PSMB3: variants seen among roughly 807,000 people sequenced by gnomAD.
The protein encoded by PSMB3 is proteasome subunit beta type-3.
Under a neutral mutation model 23.3 loss-of-function variants are expected in PSMB3, and 5 were observed. The ratio of observed to expected loss-of-function variants is 0.21; its 90% CI spans 0.11 to 0.45. The LOEUF is 0.45. Ranked by LOEUF, PSMB3 falls within the 20% of genes least tolerant of loss-of-function variation. The pLI is 0.99. For synonymous variants in PSMB3, 85 were observed against 99.8 expected (o/e 0.85, Z 0.88); for missense variants, 192 against 277.9 (o/e 0.69, Z 2.20).
At chr17:38,762,102 A>C in intron 4 of PSMB3, 1 of 328,246 alleles carries the variant, frequency 3.0e-6, no homozygotes, top group East Asian at 5.8e-5. Context: ...CTAAATAGGG[A>C]TTCTTCTCCC....
intron 3 of PSMB3, among the ~76,000 whole-genome samples, chr17:38,756,196 C>A (rs1908188584): frequency 6.6e-6 from 1 of 152,200 alleles, no homozygotes. Flanking sequence ...AAGGAATGCA[C>A]ATAGCAGATA....
rs1907984849 is a variant in PSMB3, at chr17:38,752,745, G to A, written c.-82G>A. 3.2e-6 allele frequency: 5 copies of A among 1,550,202 alleles called. No individual in the cohort carries two copies. Among genetic ancestry groups the A allele is most frequent in the Non-Finnish European group, 3.6e-6 (4 of 1,121,730 alleles). ...CCTATCAGCCAATGAAGAGACAGCA[G>A]TGAGAGCGGTTGCGCAGTGAAGGCT... On this transcript the variant is annotated 5_prime_UTR_variant, in exon 1 of 6. It adds an upstream start codon to the 5' untranslated region. Transcript: ENST00000619426. The surrounding 1 kb of genome is among the most constrained non-coding windows in gnomAD (Gnocchi z 5.5).
intron 3 of PSMB3, among the ~76,000 whole-genome samples, chr17:38,757,801 G>A (rs941350955): frequency 5.5e-4 from 84 of 152,202 alleles, no homozygotes; most frequent in African/African-American, 2.0e-3. Flanking sequence ...GATTATAGGC[G>A]CCTGCCACTG....
chr17:38,756,074 C>T, intron 3 of PSMB3, 84 bp downstream of exon 3: 1 of 1,112,620 alleles, frequency 9.0e-7, no homozygotes, highest in Non-Finnish European at 1.3e-6. Context: ...GAGGACTCTC[C>T]TTGTTTTTCC....
intron 3 of PSMB3, among the ~76,000 whole-genome samples, chr17:38,757,623 T>C (rs1164443253): frequency 4.6e-5 from 7 of 151,416 alleles, no homozygotes; most frequent in Admixed American, 6.6e-5. Flanking sequence ...AAGACCATCC[T>C]GGTCAACATG....
rs2306882 is a variant in PSMB3, at chr17:38,756,085, A to G, written c.296+95A>G. On this transcript the variant is annotated intron_variant, in intron 3 of 5. Transcript: ENST00000619426. The stretch of plus-strand genomic sequence containing the variant: ...GGAAGAGGACTCTCCTTGTTTTTCC[A>G]TCTCTTATTTGCAGGATAATATCCT... The G allele has an allele frequency of 7.1e-4, 729 of 1,028,898 alleles. 8 individuals are homozygous for G. In the East Asian group the frequency reaches 0.015, roughly 21 times the overall value. The allele number at this position is 1,028,898 out of a possible 1,614,324, so 63.7% of individuals were successfully genotyped here.
intron 2 of PSMB3, chr17:38,755,211 T>C (rs554381541): frequency 6.6e-6 from 1 of 152,090 alleles, no homozygotes; most frequent in Non-Finnish European, 1.5e-5. Context: ...GCTCAAGCAA[T>C]CCTTCCGCCT....
chr17:38,759,679 G>A (rs1045881787), intron 3 of PSMB3, among the ~76,000 whole-genome samples: 11 of 151,984 alleles, frequency 7.2e-5, no homozygotes, highest in African/African-American at 2.7e-4. Flanking sequence ...TGAGTAGCTG[G>A]GACTATAGTC....
At chr17:38,755,744 TC>T in intron 2 of PSMB3, 138 bp from the exon 3 acceptor site, 3 of 546,930 alleles carry the variant, frequency 5.5e-6, no homozygotes, top group Non-Finnish European at 9.9e-6. Context: ...AGTTGCTACT[TC>T]CTAACACATG....
At chr17:38,764,087 A>T in intron 5 of PSMB3, 32 bp from the exon 6 acceptor site, 1 of 1,613,912 alleles carries the variant, frequency 6.2e-7, no homozygotes, top group Non-Finnish European at 8.5e-7. Flanking sequence ...AGATGGGTAG[A>T]GATGTTTTCT....
chr17:38,755,674 A>G (rs1387580904), intron 2 of PSMB3, among the ~76,000 whole-genome samples: 7,376 of 90,382 alleles, frequency 0.082, 294 homozygotes, highest in Admixed American at 0.13. Context: ...ATATATATAT[A>G]TATATATATG....
chr17:38,761,516 G>A (rs1301057676), intron 4 of PSMB3, among the ~76,000 whole-genome samples: 1 of 152,164 alleles, frequency 6.6e-6, no homozygotes, highest in Non-Finnish European at 1.5e-5. Context: ...GGTACAGTCT[G>A]CTTTCAAGGG....
chr17:38,760,547 T>G lies in PSMB3; in HGVS notation c.413T>G (p.Val138Gly). 1 of 1,614,244 alleles carries G rather than the reference T, an allele frequency of 6.2e-7. No homozygotes were observed. The highest frequency in any genetic ancestry group is 8.5e-7 in the Non-Finnish European group (1 of 1,180,044). Reference protein sequence around the residue: ...GCPMVTDDFVVSGTCAEQMYG... With the variant: ...GCPMVTDDFVGSGTCAEQMYG... Reference sequence around the variant, plus strand: ...CCCATGGTGACTGATGACTTTGTGGTCAGTGGCACCTGCGCCGAACAAATG... The same window carrying G: ...CCCATGGTGACTGATGACTTTGTGGGCAGTGGCACCTGCGCCGAACAAATG... Residue 138 changes from valine (V) to glycine (G), a missense_variant, in exon 4 of 6, where the codon GTC (valine) becomes GGC (glycine). Val to Gly is a moderately radical substitution (Grantham distance 109). Transcript: ENST00000619426.
chr17:38,759,480 A>G (rs770015801), intron 3 of PSMB3, among the ~76,000 whole-genome samples: 4 of 152,208 alleles, frequency 2.6e-5, no homozygotes, highest in Middle Eastern at 3.4e-3. Flanking sequence ...TTGAACCATC[A>G]TAAGTCAGGG....
chr17:38,755,682 A>ATGTGTG (rs67600372), intron 2 of PSMB3, among the ~76,000 whole-genome samples: 17 of 90,248 alleles, frequency 1.9e-4, no homozygotes, highest in South Asian at 4.2e-4. Flanking sequence ...ATATATATAT[A>ATGTGTG]TGTGTGTGTG....
At chr17:38,761,532 TGCAGTCCAGTGAA>T (rs1908442812) in intron 4 of PSMB3, among the ~76,000 whole-genome samples, 1 of 152,138 alleles carries the variant, frequency 6.6e-6, no homozygotes, top group African/African-American at 2.4e-5. Flanking sequence ...AAGGGCCCAC[TGCAGTCCAGTGAA>T]GCAAGACACA....
chr17:38,762,840 G>T (rs1220530470), intron 5 of PSMB3, among the ~76,000 whole-genome samples: 3 of 152,098 alleles, frequency 2.0e-5, no homozygotes, highest in African/African-American at 7.2e-5. Context: ...TAGGTGGCTC[G>T]CATCCTCTCT....
At chr17:38,761,280 G>A (rs953067172) in intron 4 of PSMB3, among the ~76,000 whole-genome samples, 2 of 151,218 alleles carry the variant, frequency 1.3e-5, no homozygotes, top group Non-Finnish European at 2.9e-5. Flanking sequence ...CCTGGGAGGC[G>A]GAGGTTGCGG....
chr17:38,755,824 G>A, intron 2 of PSMB3, 59 bp from the exon 3 acceptor site: 1 of 1,427,226 alleles, frequency 7.0e-7, no homozygotes, highest in Non-Finnish European at 9.9e-7. Context: ...GACCTCAACA[G>A]GGTAGACACT....
Sources: gnomAD v4.1 joint callset for allele counts (sites outside exome capture counted in the v4.1 genomes callset) on GRCh38, gnomAD v4.1.1 for gene constraint, Gnocchi (gnomAD v3.1) non-coding constraint, MANE v1.5 for transcripts, NCBI Gene and HGNC (gene_info 2026-07-23, HGNC 2026-07-21) for gene names.